MAP2K5: variants seen among roughly 807,000 people sequenced by gnomAD.
The protein encoded by MAP2K5 is mitogen-activated protein kinase kinase 5.
Under a neutral mutation model 83.1 loss-of-function variants are expected in MAP2K5, and 49 were observed. The ratio of observed to expected loss-of-function variants is 0.59; its 90% CI spans 0.47 to 0.75. The LOEUF (loss-of-function observed/expected upper bound fraction) is 0.75. Ranked by LOEUF, MAP2K5 falls within the 30% of genes least tolerant of loss-of-function variation. The pLI, the probability that MAP2K5 is intolerant of heterozygous loss-of-function variation, is 0.00. For synonymous variants in MAP2K5, 202 were observed against 191.8 expected (o/e 1.05, Z -0.44); for missense variants, 457 against 557.5 (o/e 0.82, Z 1.82).
intron 2 of MAP2K5, among the ~76,000 whole-genome samples, chr15:67,556,228 C>G (rs1187853898): frequency 6.6e-6 from 1 of 152,042 alleles, no homozygotes; most frequent in African/African-American, 2.4e-5. Flanking sequence ...TGTTTTTGTT[C>G]AGCTTATTGC....
rs959085404 is a variant in MAP2K5 at position 67,644,024 on chromosome 15, T to A, written c.586-2207T>A. ...TGAATGTTAAGTTTTTATCTAGAAA[T>A]GTCTAGAGCCAGAAACTCTGCCACA... On this transcript the variant is annotated intron_variant, in intron 9 of 21. Coordinates refer to ENST00000178640, the MANE Select transcript of MAP2K5 (RefSeq NM_145160.3). This position sits in a 1 kb window ranked among gnomAD's most constrained non-coding sequence, Gnocchi z 4.6. Among the ~76,000 whole-genome samples the A allele has an allele frequency of 2.0e-5, 3 of 152,204 alleles. No homozygotes were observed. The highest frequency in any genetic ancestry group is 7.2e-5 in the African/African-American group (3 of 41,458).
In MAP2K5 at chr15:67,802,724, G is replaced by A. The variant is rs563975726; in HGVS notation, c.1243-3922G>A. ...ATGCCTGGGGCGGTCACCGTGGGTG[G>A]AAGATGCTCTTGACAAGCATCTGTA... On this transcript the variant is annotated intron_variant, in intron 21 of 21. Coordinates refer to ENST00000178640, the MANE Select transcript of MAP2K5 (RefSeq NM_145160.3). The surrounding 1 kb of genome is among the most constrained non-coding windows in gnomAD (Gnocchi z 5.0). Among the ~76,000 whole-genome samples, 1 of 152,252 alleles carries A rather than the reference G, an allele frequency of 6.6e-6. No individual in the cohort carries two copies. The highest frequency in any genetic ancestry group is 6.5e-5 in the Admixed American group (1 of 15,292).
chr15:67,661,533 T>C (rs377138239), intron 12 of MAP2K5, among the ~76,000 whole-genome samples: 1 of 152,152 alleles, frequency 6.6e-6, no homozygotes, highest in East Asian at 1.9e-4. Flanking sequence ...TTCTAGCTCC[T>C]TTTTCACCAG....
chr15:67,786,344 C>T lies in MAP2K5; in HGVS notation c.1242+13592C>T, dbSNP rs2090417128. On this transcript the variant is annotated intron_variant, in intron 21 of 21. Transcript: ENST00000178640. The surrounding 1 kb of genome is among the most constrained non-coding windows in gnomAD (Gnocchi z 4.7). ...CCTCCCCACTCACTGGAAGCCATAA[C>T]TTTTCATGTCTGTCCTTTATTATTG... Among the ~76,000 whole-genome samples the T allele has an allele frequency of 6.6e-6, 1 of 152,154 alleles. No individual in the cohort carries two copies. Among genetic ancestry groups the T allele is most frequent in the Admixed American group, 6.5e-5 (1 of 15,282 alleles).
At chr15:67,697,076 G>T (rs1057473278) in intron 15 of MAP2K5, among the ~76,000 whole-genome samples, 1 of 152,314 alleles carries the variant, frequency 6.6e-6, no homozygotes, top group South Asian at 2.1e-4. Context: ...AAAGATCACT[G>T]TGAATGGATG....
intron 3 of MAP2K5, among the ~76,000 whole-genome samples, chr15:67,564,615 G>A (rs2084803122): frequency 6.6e-6 from 1 of 152,174 alleles, no homozygotes; most frequent in African/African-American, 2.4e-5. Flanking sequence ...CATTGACTTC[G>A]CATTAACTTA....
In MAP2K5 at chr15:67,750,001, C is replaced by T. The variant is rs1566951668; in HGVS notation, c.1134+1400C>T. Among the ~76,000 whole-genome samples, 1 of 152,204 alleles carries T rather than the reference C, an allele frequency of 6.6e-6. No individual in the cohort carries two copies. Among genetic ancestry groups the T allele is most frequent in the South Asian group, 2.1e-4 (1 of 4,834 alleles). On this transcript the variant is annotated intron_variant, in intron 19 of 21. Transcript: ENST00000178640. The surrounding 1 kb of genome is among the most constrained non-coding windows in gnomAD (Gnocchi z 4.2). The stretch of plus-strand genomic sequence containing the variant: ...CAGGTAAAGGCATTCCTCACCAATA[C>T]TATGTGTGTTTCTCATTTGAATGTT...
chr15:67,584,672 C>CTTTTTTTTT (rs36111747), intron 4 of MAP2K5, among the ~76,000 whole-genome samples: 1 of 106,104 alleles, frequency 9.4e-6, no homozygotes, highest in Admixed American at 1.1e-4. Flanking sequence ...ATATCTTCTC[C>CTTTTTTTTT]TTTTTTTTTT....
At chr15:67,608,970 CA>C (rs1458164341) in intron 8 of MAP2K5, among the ~76,000 whole-genome samples, 4 of 152,166 alleles carry the variant, frequency 2.6e-5, no homozygotes, top group African/African-American at 9.7e-5. Context: ...CCTGCAGAGG[CA>C]GATTCTTCAC....
At chr15:67,628,801 T>G in intron 8 of MAP2K5, 1 of 751,542 alleles carries the variant, frequency 1.3e-6, no homozygotes, top group Non-Finnish European at 2.4e-6. Context: ...GTGTTTTTAG[T>G]GGGAATGACA....
intron 21 of MAP2K5, among the ~76,000 whole-genome samples, chr15:67,798,343 C>T (rs535491853): frequency 6.6e-6 from 1 of 152,370 alleles, no homozygotes; most frequent in South Asian, 2.1e-4. Flanking sequence ...GCAGCCACCA[C>T]AGCCCCCTTT....
chr15:67,586,651 G>A (rs577623095), intron 5 of MAP2K5, among the ~76,000 whole-genome samples, 195 bp from the exon 6 acceptor site: 39 of 152,246 alleles, frequency 2.6e-4, no homozygotes, highest in Non-Finnish European at 5.6e-4. Flanking sequence ...AATAATGACA[G>A]GAATAGAATA....
chr15:67,756,982 G>A (rs1189531403), intron 19 of MAP2K5, among the ~76,000 whole-genome samples: 1 of 151,952 alleles, frequency 6.6e-6, no homozygotes, highest in African/African-American at 2.4e-5. Context: ...CTTGGCTATT[G>A]TGAATAATGC....
chr15:67,711,038 A>G (rs1596835702), intron 16 of MAP2K5, among the ~76,000 whole-genome samples: 1 of 152,226 alleles, frequency 6.6e-6, no homozygotes, highest in Non-Finnish European at 1.5e-5. Flanking sequence ...CTTCACCTGC[A>G]TCTTCCTTGT....
rs1205482792 is a variant in MAP2K5 at position 67,587,016 on chromosome 15, A to G, written c.431+103A>G. The G allele has an allele frequency of 3.6e-6, 4 of 1,108,752 alleles. No individual in the cohort carries two copies. In the East Asian group the frequency reaches 9.4e-5, roughly 26 times the overall value. The allele number at this position is 1,108,752 out of a possible 1,614,324, so 68.7% of individuals were successfully genotyped here. A position where few individuals can be genotyped will look rare whatever the true frequency, so the allele number is the denominator to read the frequency against. ...AGAAATTTGACCAGTTAGATAACCT[A>G]GCTACGTATTGACCAAAGAGAAAGG... is the stretch of plus-strand genomic sequence containing the variant. On this transcript the variant is annotated intron_variant, in intron 6 of 21. Transcript: ENST00000178640. The surrounding 1 kb of genome is among the most constrained non-coding windows in gnomAD (Gnocchi z 4.8).
At chr15:67,741,193 C>T (rs1486224570) in intron 17 of MAP2K5, among the ~76,000 whole-genome samples, 1 of 152,068 alleles carries the variant, frequency 6.6e-6, no homozygotes, top group African/African-American at 2.4e-5. Context: ...GAAACAAATT[C>T]AGAGAAAGGT....
chr15:67,734,519 A>C (rs1480254532), intron 17 of MAP2K5, among the ~76,000 whole-genome samples: 1 of 152,198 alleles, frequency 6.6e-6, no homozygotes, highest in Non-Finnish European at 1.5e-5. Context: ...TTCAAATGCT[A>C]ATGTTGAAGT....
In MAP2K5 at chr15:67,708,515, G is replaced by C. The variant is rs560294640; in HGVS notation, c.1044+5107G>C. Among the ~76,000 whole-genome samples, 1 of 151,884 alleles carries C rather than the reference G, an allele frequency of 6.6e-6. No homozygotes were observed. Among genetic ancestry groups the C allele is most frequent in the Non-Finnish European group, 1.5e-5 (1 of 67,928 alleles). On this transcript the variant is annotated intron_variant, in intron 16 of 21. Coordinates refer to ENST00000178640, the MANE Select transcript of MAP2K5 (RefSeq NM_145160.3). This position sits in a 1 kb window ranked among gnomAD's most constrained non-coding sequence, Gnocchi z 4.9. Reference sequence around the variant, plus strand: ...CTGCCTCCCACTTTTTTTTTCTAGAGACGTGGTCTTGATATGTTGCCCAGT... The same window carrying C: ...CTGCCTCCCACTTTTTTTTTCTAGACACGTGGTCTTGATATGTTGCCCAGT...
intron 3 of MAP2K5, among the ~76,000 whole-genome samples, chr15:67,566,062 A>G (rs370134584): frequency 6.6e-6 from 1 of 152,230 alleles, no homozygotes; most frequent in Non-Finnish European, 1.5e-5. Context: ...TTGTAGGTTC[A>G]ATTTGGCTCT....
Sources: allele counts gnomAD v4.1 joint callset (sites outside exome capture counted in the v4.1 genomes callset), GRCh38; gene constraint gnomAD v4.1.1; non-coding constraint Gnocchi (gnomAD v3.1); transcripts MANE v1.5; gene names NCBI Gene and HGNC (gene_info 2026-07-23, HGNC 2026-07-21).